Variants in MTAP observed in about 807,000 individuals in gnomAD.
MTAP encodes the protein methylthioadenosine phosphorylase.
In MTAP, 33 loss-of-function variants were observed where a neutral mutation model predicts 33.6. The observed-to-expected ratio is 0.98, with a 90% CI of 0.74 to 1.31. MTAP has a LOEUF of 1.31. MTAP is among the 40% of genes most tolerant of loss of function. The pLI, the probability that MTAP is intolerant of heterozygous loss-of-function variation, is 0.00. For synonymous variants in MTAP, 148 were observed against 125.7 expected (o/e 1.18, Z -1.19); for missense variants, 367 against 360.0 (o/e 1.02, Z -0.16).
At chr9:21,915,341 T>C (rs1818670727) in intron 1 of MTAP, among the ~76,000 whole-genome samples, 1 of 151,992 alleles carries the variant, frequency 6.6e-6, no homozygotes. Flanking sequence ...TCCACCCACC[T>C]CGGCCTCCCA....
In MTAP at chr9:21,839,695, C is replaced by T. The variant is rs958728846; in HGVS notation, c.450+1685C>T. On this transcript the variant is annotated intron_variant, in intron 5 of 7. Coordinates refer to ENST00000644715, the MANE Select transcript of MTAP (RefSeq NM_002451.4). ...ACATGAAGAGTAAATAGTGCTGCCA[C>T]TTGGTAATTTTCACTTTTAACATCC... is the stretch of plus-strand genomic sequence containing the variant. Among the ~76,000 whole-genome samples the T allele has an allele frequency of 1.3e-4, 20 of 152,158 alleles. 1 individual carries two copies. Among genetic ancestry groups the T allele is most frequent in the Admixed American group, 5.9e-4 (9 of 15,282 alleles).
At chr9:21,853,303 A>T (rs1174895421) in intron 5 of MTAP, among the ~76,000 whole-genome samples, 1 of 151,854 alleles carries the variant, frequency 6.6e-6, no homozygotes, top group African/African-American at 2.4e-5. Flanking sequence ...AGGGGGGAAA[A>T]GGGGGTGGGG....
chr9:21,917,639 A>G (rs1818712174), intron 1 of MTAP, among the ~76,000 whole-genome samples: 1 of 152,210 alleles, frequency 6.6e-6, no homozygotes, highest in Non-Finnish European at 1.5e-5. Flanking sequence ...TTACATTGCT[A>G]GTGGGAATGT....
chr9:21,900,033 G>C (rs533173389), intron 1 of MTAP, among the ~76,000 whole-genome samples: 2 of 152,190 alleles, frequency 1.3e-5, no homozygotes, highest in African/African-American at 4.8e-5. Flanking sequence ...ATCAACTCAG[G>C]ATGCATTAAA....
At chr9:21,820,094 C>T (rs1824593903) in intron 4 of MTAP, among the ~76,000 whole-genome samples, 1 of 152,100 alleles carries the variant, frequency 6.6e-6, no homozygotes, top group African/African-American at 2.4e-5. Context: ...CTGTAGGTTG[C>T]CTGTTCACTC....
intron 1 of MTAP, among the ~76,000 whole-genome samples, chr9:21,879,354 C>G (rs1817960451): frequency 6.6e-6 from 1 of 152,028 alleles, no homozygotes; most frequent in Admixed American, 6.6e-5. Flanking sequence ...TCTGTTTTGT[C>G]TGAAATTAGG....
chr9:21,936,676 A>G (rs1020333420), exon 8 of MTAP: 8 of 152,316 alleles, frequency 5.3e-5, no homozygotes, highest in African/African-American at 1.7e-4. Context: ...ATATTTATAG[A>G]TTTACCATTT....
At chr9:21,874,261 G>A (rs1020025977) in intron 1 of MTAP, among the ~76,000 whole-genome samples, 4 of 152,104 alleles carry the variant, frequency 2.6e-5, no homozygotes, top group East Asian at 1.9e-4. Context: ...GTTCACCTCC[G>A]ACGTTATTTT....
At chr9:21,852,985 T>G (rs1439411989) in intron 5 of MTAP, among the ~76,000 whole-genome samples, 1 of 152,206 alleles carries the variant, frequency 6.6e-6, no homozygotes, top group Non-Finnish European at 1.5e-5. Flanking sequence ...GAAATCATCT[T>G]AAACTCAGAC....
intron 1 of MTAP, among the ~76,000 whole-genome samples, chr9:21,897,697 A>G (rs200366021): frequency 1.3e-5 from 2 of 152,192 alleles, no homozygotes; most frequent in African/African-American, 4.8e-5. Context: ...CCTCTTCAAG[A>G]AGAACTAGAA....
chr9:21,812,131 T>G, intron 1 of MTAP: 2 of 192,622 alleles, frequency 1.0e-5, no homozygotes, highest in South Asian at 2.0e-4. Flanking sequence ...TTGTCCCAGC[T>G]GGTCAGCAGG....
chr9:21,936,254 T>C (rs1819040536), exon 8 of MTAP: 1 of 152,280 alleles, frequency 6.6e-6, no homozygotes, highest in East Asian at 1.9e-4. Flanking sequence ...TCCAAGGTGT[T>C]TGGAGGGAGT....
At chr9:21,823,263 G>A (rs1460124011) in intron 4 of MTAP, among the ~76,000 whole-genome samples, 1 of 152,074 alleles carries the variant, frequency 6.6e-6, no homozygotes, top group Non-Finnish European at 1.5e-5. Context: ...GCAGTGGCTG[G>A]TACCAGTTGT....
downstream of MTAP, chr9:21,936,012 C>T (rs367590844): frequency 6.6e-6 from 1 of 152,144 alleles, no homozygotes; most frequent in East Asian, 1.9e-4. Flanking sequence ...CAAATAAAGA[C>T]AATTACTAAC....
At chr9:21,833,471 C>G (rs980007734) in intron 4 of MTAP, among the ~76,000 whole-genome samples, 1 of 152,080 alleles carries the variant, frequency 6.6e-6, no homozygotes, top group African/African-American at 2.4e-5. Context: ...ATGTGTGAGC[C>G]TCACTTCCTT....
At chr9:21,803,694 C>A (rs1007496792) in intron 1 of MTAP, among the ~76,000 whole-genome samples, 1 of 150,720 alleles carries the variant, frequency 6.6e-6, no homozygotes, top group African/African-American at 2.5e-5. Context: ...AACTTAAGAC[C>A]TCTTCTAGGC....
intron 2 of MTAP, 84 bp downstream of exon 2, chr9:21,815,603 A>AAAAG: frequency 1.9e-6 from 2 of 1,061,084 alleles, no homozygotes; most frequent in Non-Finnish European, 2.8e-6. Context: ...AAAAAAAAAA[A>AAAAG]AGAATTGCTT....
At chr9:21,849,484 C>T (rs185050543) in intron 5 of MTAP, among the ~76,000 whole-genome samples, 176 of 152,230 alleles carry the variant, frequency 1.2e-3, no homozygotes, top group African/African-American at 4.0e-3. Context: ...TGGTCATTTC[C>T]CCAGTGCCAG....
intron 1 of MTAP, among the ~76,000 whole-genome samples, chr9:21,803,596 C>A (rs796230876): frequency 7.9e-5 from 12 of 152,262 alleles, no homozygotes; most frequent in African/African-American, 2.9e-4. Flanking sequence ...CTGAGAGTAG[C>A]AGCTGGCTTC....
Sources: allele counts gnomAD v4.1 joint callset (sites outside exome capture counted in the v4.1 genomes callset), GRCh38; gene constraint gnomAD v4.1.1; transcripts MANE v1.5; gene names NCBI Gene and HGNC (gene_info 2026-07-23, HGNC 2026-07-21).